The following TXLNG variants were observed in gnomAD, a reference collection of about 807,000 sequenced individuals.
The protein encoded by TXLNG is gamma-taxilin.
In TXLNG, 5 loss-of-function variants were observed where a neutral mutation model predicts 38.8. That is an observed-to-expected ratio of 0.13 (90% confidence interval 0.07 to 0.27). TXLNG has a LOEUF of 0.27. TXLNG is among the 10% of genes least tolerant of loss of function. The pLI is 1.00. For missense variants in TXLNG, 393 were observed against 398.2 expected, an observed-to-expected ratio of 0.99 and a Z score of 0.11; for synonymous variants, 182 against 158.2, an observed-to-expected ratio of 1.15 and a Z score of -1.13.
At chrX:16,802,680 GAGTA>G (rs1250037282) in intron 1 of TXLNG, among the ~76,000 whole-genome samples, 4 of 111,552 alleles carry the variant, frequency 3.6e-5, no homozygotes, top group African/African-American at 9.8e-5. Flanking sequence ...ACGGAAAAGT[GAGTA>G]AGTATGATAC....
intron 9 of TXLNG, among the ~76,000 whole-genome samples, chrX:16,840,986 G>A (rs1396119250): frequency 3.6e-5 from 4 of 109,738 alleles, no homozygotes; most frequent in Non-Finnish European, 7.6e-5. Flanking sequence ...CACGAGGTCA[G>A]GAAATCAAGA....
At chrX:16,786,644 C>T in intron 1 of TXLNG, 55 bp downstream of exon 1, 1 of 862,742 alleles carries the variant, frequency 1.2e-6, no homozygotes, top group Non-Finnish European at 1.5e-6. Context: ...TTTGGGCTCC[C>T]TTTTTCAGGG....
At chrX:16,836,809 G>T (rs1271020911) in intron 7 of TXLNG, among the ~76,000 whole-genome samples, 1 of 111,743 alleles carries the variant, frequency 8.9e-6, no homozygotes, top group Non-Finnish European at 1.9e-5. Context: ...GTCTCTCTCT[G>T]TTCCCCTATC....
At chrX:16,818,481 A>ACTAT (rs1417837657) in intron 1 of TXLNG, 93 bp from the exon 2 acceptor site, 6 of 1,035,741 alleles carry the variant, frequency 5.8e-6, no homozygotes, top group Non-Finnish European at 7.8e-6. Flanking sequence ...GGAAGAAAAA[A>ACTAT]CTATCAGGCT....
intron 1 of TXLNG, among the ~76,000 whole-genome samples, chrX:16,816,112 G>A (rs1175261133): frequency 9.3e-6 from 1 of 107,745 alleles, no homozygotes; most frequent in Admixed American, 1.0e-4. Context: ...TGTCACCCAG[G>A]CTGGAGTGCA....
chrX:16,801,274 C>T (rs933998435), intron 1 of TXLNG, among the ~76,000 whole-genome samples: 1 of 111,880 alleles, frequency 8.9e-6, no homozygotes, highest in Non-Finnish European at 1.9e-5. Flanking sequence ...CAACCTCCAC[C>T]TCCCGGGTTC....
At chrX:16,811,744 C>T (rs1569265590) in intron 1 of TXLNG, among the ~76,000 whole-genome samples, 3 of 104,405 alleles carry the variant, frequency 2.9e-5, no homozygotes, top group Admixed American at 1.1e-4. Flanking sequence ...TCAAGTGATT[C>T]TCCTGCCTCA....
intron 4 of TXLNG, 114 bp downstream of exon 4, chrX:16,828,378 G>A: frequency 1.3e-6 from 1 of 767,951 alleles, no homozygotes; most frequent in African/African-American, 2.1e-5. Flanking sequence ...ATACTGCCTT[G>A]CTTTTTATTT....
chrX:16,819,563 C>T, intron 2 of TXLNG, among the ~76,000 whole-genome samples: 1 of 111,844 alleles, frequency 8.9e-6, no homozygotes, highest in East Asian at 2.8e-4. Context: ...CAGCCACCTG[C>T]CTCTCTCTGC....
At chrX:16,811,742 T>A (rs1167118275) in intron 1 of TXLNG, among the ~76,000 whole-genome samples, 1 of 104,229 alleles carries the variant, frequency 9.6e-6, no homozygotes, top group East Asian at 3.0e-4. Context: ...GTTCAAGTGA[T>A]TCTCCTGCCT....
intron 1 of TXLNG, among the ~76,000 whole-genome samples, chrX:16,788,584 C>T (rs900602258): frequency 3.6e-5 from 4 of 110,840 alleles, no homozygotes; most frequent in Non-Finnish European, 7.6e-5. Flanking sequence ...TGTAGTACCA[C>T]CTAGTCAGGA....
At chrX:16,786,861 G>A (rs1259375184) in intron 1 of TXLNG, among the ~76,000 whole-genome samples, 1 of 110,934 alleles carries the variant, frequency 9.0e-6, no homozygotes, top group Non-Finnish European at 1.9e-5. Context: ...TAAGGGAGAA[G>A]GGGTGCGAGG....
chrX:16,806,535 A>G (rs1928333070), intron 1 of TXLNG, among the ~76,000 whole-genome samples: 2 of 111,687 alleles, frequency 1.8e-5, no homozygotes, highest in South Asian at 3.7e-4. Flanking sequence ...TAATTCCAGC[A>G]CTTTGGGAGG....
At chrX:16,799,565 G>C (rs1928008687) in intron 1 of TXLNG, among the ~76,000 whole-genome samples, 1 of 111,211 alleles carries the variant, frequency 9.0e-6, no homozygotes, top group South Asian at 3.9e-4. Context: ...GAGGTCAGGA[G>C]TTCGAGACCA....
At position 16,841,463 on chromosome X, in the gene TXLNG, A is replaced by C; in HGVS notation, c.1284A>C (p.Gln428His). Residue 428 changes from glutamine to histidine, a missense_variant, in exon 10 of 10, where the codon CAA becomes CAC. By Grantham distance (24) the Gln-to-His change is conservative. Transcript: ENST00000380122. Reference protein sequence around the residue: ...TVRDKEYKALQIKLERLEKLC... With the variant: ...TVRDKEYKALHIKLERLEKLC... ...GTGATAAAGAGTACAAGGCCCTTCA[A>C]ATAAAACTGGAACGGTTAGAGAAGC... 1.7e-6 allele frequency: 2 copies of C among 1,211,467 alleles called. No individual in the cohort carries two copies. Among genetic ancestry groups the C allele is most frequent in the South Asian group, 1.8e-5 (1 of 56,935 alleles).
At chrX:16,811,362 A>G (rs964979736) in intron 1 of TXLNG, among the ~76,000 whole-genome samples, 1 of 107,607 alleles carries the variant, frequency 9.3e-6, no homozygotes, top group Non-Finnish European at 1.9e-5. Context: ...GGCCTTCCTT[A>G]TTTTTTTTTT....
chrX:16,808,278 G>A (rs1229183126), intron 1 of TXLNG, among the ~76,000 whole-genome samples: 1 of 111,968 alleles, frequency 8.9e-6, no homozygotes, highest in African/African-American at 3.3e-5. Context: ...AGATGCAGAT[G>A]TCATAGCTTT....
At chrX:16,837,836 C>A in intron 8 of TXLNG, 151 bp downstream of exon 8, 1 of 372,630 alleles carries the variant, frequency 2.7e-6, no homozygotes, top group Non-Finnish European at 4.6e-6. Flanking sequence ...GGTCATTTTG[C>A]CCTCAATGTA....
chrX:16,789,258 C>T (rs1379695305), intron 1 of TXLNG, among the ~76,000 whole-genome samples: 1 of 110,416 alleles, frequency 9.1e-6, no homozygotes, highest in African/African-American at 3.3e-5. Context: ...CCTAGTCACT[C>T]GCGACCTGCT....
Sources: allele counts gnomAD v4.1 joint callset (sites outside exome capture counted in the v4.1 genomes callset), GRCh38; gene constraint gnomAD v4.1.1; transcripts MANE v1.5; gene names NCBI Gene and HGNC (gene_info 2026-07-23, HGNC 2026-07-21).